Variants in SPTA1 observed in about 807,000 individuals in gnomAD.
SPTA1 encodes the protein spectrin alpha chain, erythrocytic 1.
Under a neutral mutation model 324.7 loss-of-function variants are expected in SPTA1, and 177 were observed. That is an observed-to-expected ratio of 0.55 (90% CI 0.48 to 0.62). The LOEUF (loss-of-function observed/expected upper bound fraction) is 0.62, where lower values mean the gene tolerates loss of function less well. Among genes scored for constraint, SPTA1 ranks in the 20% least tolerant of loss-of-function variants. The probability of loss-of-function intolerance (pLI) is 0.00; values close to 1 mark genes in which losing one functional copy is unlikely to be tolerated. For missense variants in SPTA1, 3,162 were observed against 2,883.6 expected, an observed-to-expected ratio of 1.10 and a Z score of -2.21; for synonymous variants, 1,195 against 1,041.3, an observed-to-expected ratio of 1.15 and a Z score of -2.84.
In SPTA1 at chr1:158,645,498, A is replaced by C. The variant is rs546557790; in HGVS notation, c.3993T>G (p.His1331Gln). 2 of 1,613,952 alleles carry C rather than the reference A, an allele frequency of 1.2e-6. No homozygotes were observed. Among genetic ancestry groups the C allele is most frequent in the Non-Finnish European group, 1.7e-6 (2 of 1,179,916 alleles). ...GCTGTGACTTTTGTAGTTTTACCTG[A>C]TGTCTCTCCAGCAAGATCTCTATGC... is the stretch of plus-strand genomic sequence containing the variant. ...LTGIEILLERHQEHRADMEAE... is the reference protein window; with the variant it reads ...LTGIEILLERQQEHRADMEAE... Residue 1331 changes from histidine (H) to glutamine (Q), a missense_variant, in exon 28 of 52, where the codon CAT (histidine) becomes CAG (glutamine). Coordinates refer to ENST00000643759, the MANE Select transcript of SPTA1 (RefSeq NM_003126.4).
intron 28 of SPTA1, 29 bp from the exon 29 acceptor site, chr1:158,645,414 G>C: frequency 6.2e-7 from 1 of 1,613,964 alleles, no homozygotes; most frequent in Non-Finnish European, 8.5e-7. Context: ...AGAAATCAGT[G>C]AGGCCAACTC....
chr1:158,656,826 TTAA>T (rs1652861854), intron 19 of SPTA1, among the ~76,000 whole-genome samples, 170 bp from the exon 20 acceptor site: 1 of 152,198 alleles, frequency 6.6e-6, no homozygotes, highest in Non-Finnish European at 1.5e-5. Flanking sequence ...GAAATAGGAA[TTAA>T]TAAATTATAA....
At chr1:158,682,981 A>T (rs1000411872) in intron 3 of SPTA1, among the ~76,000 whole-genome samples, 2 of 152,180 alleles carry the variant, frequency 1.3e-5, no homozygotes, top group Non-Finnish European at 2.9e-5. Context: ...TTTGGAAAAC[A>T]TTCAAATGAG....
intron 16 of SPTA1, among the ~76,000 whole-genome samples, chr1:158,663,371 G>A: frequency 6.6e-6 from 1 of 152,154 alleles, no homozygotes; most frequent in East Asian, 1.9e-4. Context: ...TCAGGCTTAA[G>A]TTTGTTGCAT....
At chr1:158,622,065 C>T (rs1406721676) in intron 43 of SPTA1, among the ~76,000 whole-genome samples, 1 of 152,084 alleles carries the variant, frequency 6.6e-6, no homozygotes, top group Non-Finnish European at 1.5e-5. Context: ...GGTGTTTCAC[C>T]GTGTTAGCCA....
At chr1:158,662,657 C>T (rs756883261) in intron 17 of SPTA1, 45 bp downstream of exon 17, 33 of 1,612,482 alleles carry the variant, frequency 2.0e-5, no homozygotes, top group Non-Finnish European at 2.6e-5. Flanking sequence ...AATATATAGA[C>T]CTTGGTCCTT....
intron 29 of SPTA1, 148 bp from the exon 30 acceptor site, chr1:158,644,544 G>A: frequency 1.1e-6 from 1 of 914,044 alleles, no homozygotes; most frequent in East Asian, 2.6e-5. Flanking sequence ...AATCTTAGCT[G>A]TACTGGAACT....
intron 17 of SPTA1, among the ~76,000 whole-genome samples, chr1:158,662,159 T>C (rs1337698196): frequency 6.6e-6 from 1 of 152,360 alleles, no homozygotes; most frequent in East Asian, 1.9e-4. Context: ...GTCCTCATTG[T>C]CCAGCCTTTC....
At chr1:158,635,135 A>G (rs1650975821) in intron 38 of SPTA1, among the ~76,000 whole-genome samples, 1 of 152,034 alleles carries the variant, frequency 6.6e-6, no homozygotes, top group Non-Finnish European at 1.5e-5. Flanking sequence ...TATATGTGTG[A>G]TATGGTTTGG....
chr1:158,622,676 CTT>C (rs143080072), intron 43 of SPTA1: 95,456 of 353,088 alleles, frequency 0.27, 13,331 homozygotes, highest in Non-Finnish European at 0.29. Context: ...ACAACCTTGA[CTT>C]TTGCCTGACA....
chr1:158,686,026 T>G (rs1276491408), intron 1 of SPTA1, among the ~76,000 whole-genome samples: 1 of 152,208 alleles, frequency 6.6e-6, no homozygotes, highest in Non-Finnish European at 1.5e-5. Context: ...GCCAACCTGT[T>G]TGTGACAATA....
At chr1:158,623,890 C>T (rs1650088155) in intron 42 of SPTA1, among the ~76,000 whole-genome samples, 1 of 152,130 alleles carries the variant, frequency 6.6e-6, no homozygotes, top group Admixed American at 6.5e-5. Flanking sequence ...CTGGGCTGGG[C>T]CCAGGGCTCC....
intron 27 of SPTA1, 138 bp downstream of exon 27, chr1:158,647,401 A>T: frequency 1.8e-6 from 2 of 1,087,592 alleles, no homozygotes; most frequent in South Asian, 1.4e-5. Flanking sequence ...CAAACCTGAA[A>T]TTTTTTATGC....
chr1:158,642,425 C>T lies in SPTA1; in HGVS notation c.4723G>A (p.Glu1575Lys). ...CTGAGCTTTACCTTCATGGCCTCTT[C>T]ATTGCCATCACAAGCGCTACACTCA... Reference protein sequence around the residue: ...LIECSACDGNEEAMKEQLEQL... With the variant: ...LIECSACDGNKEAMKEQLEQL... Residue 1575 changes from glutamate to lysine, a missense_variant, in exon 33 of 52, where the codon GAA (glutamate) becomes AAA (lysine). Coordinates refer to ENST00000643759, the MANE Select transcript of SPTA1 (RefSeq NM_003126.4). The T allele has an allele frequency of 1.2e-6, 2 of 1,613,462 alleles. No homozygotes were observed. The highest frequency in any genetic ancestry group is 1.3e-5 in the African/African-American group (1 of 74,978).
chr1:158,640,844 T>A (rs1164467355), intron 33 of SPTA1, among the ~76,000 whole-genome samples: 1 of 152,280 alleles, frequency 6.6e-6, no homozygotes, highest in East Asian at 1.9e-4. Context: ...AGAGCCTACA[T>A]TGCCAAGTCA....
chr1:158,636,620 G>T, intron 37 of SPTA1, 21 bp downstream of exon 37: 1 of 1,613,566 alleles, frequency 6.2e-7, no homozygotes, highest in Non-Finnish European at 8.5e-7. Flanking sequence ...TATATTTTCA[G>T]ATCTGGTATT....
chr1:158,653,354 G>T lies in SPTA1; in HGVS notation c.3108C>A (p.His1036Gln). ...VPAVYVRRLA[H>Q]DEFPMLPQRR... ...GCTGTGGGAGCATCGGGAACTCATC[G>T]TGGGCCAGTCTTCTGACATAGACAG... The change falls in exon 22 of 52, where the codon CAC becomes CAA. Residue 1036 changes from histidine to glutamine, a missense_variant. Transcript: ENST00000643759. 1 of 1,614,058 alleles carries T rather than the reference G, an allele frequency of 6.2e-7. No homozygotes were observed. The highest frequency in any genetic ancestry group is 2.2e-5 in the East Asian group (1 of 44,874).
At position 158,647,722 on chromosome 1, in the gene SPTA1, TG is replaced by T. The variant is rs747504565; in HGVS notation, c.3715-3del. On this transcript the variant is annotated splice_polypyrimidine_tract_variant and splice_region_variant and intron_variant, in intron 26 of 51. Transcript: ENST00000643759. ...TGCTGTCTCCCCCAGTATGGTCACC[TG>T]GGGAGGTACAATAGCTCTGATAATC... 2 of 1,613,722 alleles carry T rather than the reference TG, an allele frequency of 1.2e-6. No homozygotes were observed. Among genetic ancestry groups the T allele is most frequent in the African/African-American group, 2.7e-5 (2 of 74,884 alleles).
Position 158,639,638 on chromosome 1 carries a change from C to T in SPTA1, c.4924G>A (p.Ala1642Thr), listed in dbSNP as rs977234840. The T allele has an allele frequency of 1.2e-6, 2 of 1,613,902 alleles. No individual in the cohort carries two copies. Among genetic ancestry groups the T allele is most frequent in the Admixed American group, 1.7e-5 (1 of 59,984 alleles). ...MKDQARDLAS[A>T]GNLLKKHQLL... ...TGATGCTTCTTGAGTAGGTTTCCTGCTGAAGCCAAGTCCCTGGCCTGATCT... is the reference window on the plus strand; with the variant it reads ...TGATGCTTCTTGAGTAGGTTTCCTGTTGAAGCCAAGTCCCTGGCCTGATCT... Residue 1642 changes from alanine (A) to threonine (T), a missense_variant, in exon 35 of 52, where the codon GCA becomes ACA. Transcript: ENST00000643759.
Sources: gnomAD v4.1 joint callset for allele counts (sites outside exome capture counted in the v4.1 genomes callset) on GRCh38, gnomAD v4.1.1 for gene constraint, MANE v1.5 for transcripts, NCBI Gene and HGNC (gene_info 2026-07-23, HGNC 2026-07-21) for gene names.